The following ZC3HAV1 variants were observed in gnomAD, a reference collection of about 807,000 sequenced individuals.
ZC3HAV1 encodes zinc finger CCCH-type containing, antiviral 1.
A neutral mutation model predicts 86.6 loss-of-function variants in ZC3HAV1; 41 were observed. The observed-to-expected ratio is 0.47, with a 90% CI of 0.37 to 0.61. The LOEUF (loss-of-function observed/expected upper bound fraction) is 0.61, where lower values mean the gene tolerates loss of function less well. Ranked by LOEUF, ZC3HAV1 falls within the 20% of genes least tolerant of loss-of-function variation. ZC3HAV1 has a pLI of 0.00. For synonymous variants in ZC3HAV1, 421 were observed against 432.1 expected (o/e 0.97, Z 0.32); for missense variants, 964 against 1,141.1 (o/e 0.84, Z 2.24).
intron 1 of ZC3HAV1, among the ~76,000 whole-genome samples, chr7:139,104,426 A>C (rs991818165): frequency 1.3e-5 from 2 of 152,208 alleles, no homozygotes; most frequent in African/African-American, 4.8e-5. Flanking sequence ...CTAGTTAAGA[A>C]GTCAAGGCCG....
chr7:139,056,265 C>T (rs1217601950), intron 9 of ZC3HAV1, among the ~76,000 whole-genome samples: 1 of 152,130 alleles, frequency 6.6e-6, no homozygotes, highest in Non-Finnish European at 1.5e-5. Flanking sequence ...ATCCTCCCAC[C>T]TCAACCTCCC....
chr7:139,087,608 T>C (rs1413116577), intron 2 of ZC3HAV1, among the ~76,000 whole-genome samples: 1 of 152,094 alleles, frequency 6.6e-6, no homozygotes, highest in African/African-American at 2.4e-5. Context: ...TCTCCTGAGC[T>C]CAGTGGCCAA....
intron 2 of ZC3HAV1, 139 bp downstream of exon 2, chr7:139,089,485 T>C (rs1247414016): frequency 9.0e-7 from 1 of 1,112,874 alleles, no homozygotes; most frequent in Non-Finnish European, 1.2e-6. Flanking sequence ...ATCTCTTAGT[T>C]CACTCAATAA....
intron 7 of ZC3HAV1, among the ~76,000 whole-genome samples, chr7:139,071,448 C>A (rs763100248): frequency 1.3e-5 from 2 of 152,050 alleles, no homozygotes; most frequent in East Asian, 3.8e-4. Context: ...GTTTGCCAAC[C>A]CTTCCCCTTT....
In ZC3HAV1 at chr7:139,047,795, T is replaced by A; in HGVS notation, c.2508A>T (p.Lys836Asn). 3.1e-6 allele frequency: 5 copies of A among 1,614,074 alleles called. No homozygotes were observed. The highest frequency in any genetic ancestry group is 4.2e-6 in the Non-Finnish European group (5 of 1,180,016). Residue 836 changes from lysine (K) to asparagine (N), a missense_variant, in exon 13 of 13, where the codon AAA becomes AAT. By Grantham distance (94) the Lys-to-Asn change is moderately conservative. Coordinates refer to ENST00000242351, the MANE Select transcript of ZC3HAV1 (RefSeq NM_020119.4). Reference sequence around the variant, plus strand: ...CTTGGGCTACAAACATAACGACGTTTTTGGCATCATACGGGCAATTTTTGT... The same window carrying A: ...CTTGGGCTACAAACATAACGACGTTATTGGCATCATACGGGCAATTTTTGT... ...YSHKNCPYDA[K>N]NVVMFVAQVL...
At chr7:139,049,679 A>C (rs1366870683) in intron 12 of ZC3HAV1, 1 of 153,340 alleles carries the variant, frequency 6.5e-6, no homozygotes, top group African/African-American at 2.4e-5. Flanking sequence ...CGACCAGAGA[A>C]TCTACAGCTC....
At position 139,079,518 on chromosome 7, in the gene ZC3HAV1, T is replaced by C; in HGVS notation, c.1423A>G (p.Thr475Ala). 2 of 1,614,232 alleles carry C rather than the reference T, an allele frequency of 1.2e-6. No individual in the cohort carries two copies. Among genetic ancestry groups the C allele is most frequent in the Non-Finnish European group, 1.7e-6 (2 of 1,180,034 alleles). ...TCAGCATCATCTGCGATTCTGCCAG[T>C]GGCCTGGACATCTCGGGAAGCAGGT... is the stretch of plus-strand genomic sequence containing the variant. The part of the protein sequence containing the change: ...AGPASRDVQA[T>A]GRIADDADPR... The change falls in exon 4 of 13, where the codon ACT becomes GCT. Residue 475 changes from threonine to alanine, a missense_variant. Transcript: ENST00000242351.
chr7:139,080,043 G>T lies in ZC3HAV1; in HGVS notation c.898C>A (p.Leu300Met), dbSNP rs1817080933. 3 of 1,614,080 alleles carry T rather than the reference G, an allele frequency of 1.9e-6. No homozygotes were observed. The highest frequency in any genetic ancestry group is 2.5e-6 in the Non-Finnish European group (3 of 1,180,056). The stretch of plus-strand genomic sequence containing the variant: ...GGCCGAGCGCGATCCTGACTCCCCA[G>T]ATACGTGAACTTGCGGGTGAGATCG... Reference protein sequence around the residue: ...VDDLTRKFTYLGSQDRARPPS... With the variant: ...VDDLTRKFTYMGSQDRARPPS... Residue 300 changes from leucine (L) to methionine (M), a missense_variant, in exon 4 of 13, where the codon CTG (leucine) becomes ATG (methionine). By Grantham distance (15) the Leu-to-Met change is conservative. Coordinates refer to ENST00000242351, the MANE Select transcript of ZC3HAV1 (RefSeq NM_020119.4).
rs202008234 is a variant in ZC3HAV1 at position 139,103,909 on chromosome 7, GCAAA to G, written c.308+5111_308+5114del. ...AAAATACTACATTTTGTATATGGAT[GCAAA>G]CATATACAAGAGGAAATTATAAAAT... On this transcript the variant is annotated intron_variant, in intron 1 of 12. Transcript: ENST00000242351. Among the ~76,000 whole-genome samples the G allele has an allele frequency of 7.2e-3, 1,089 of 152,178 alleles. 17 individuals are homozygous for G. Among genetic ancestry groups the G allele is most frequent in the African/African-American group, 0.025 (1,043 of 41,524 alleles).
At chr7:139,057,370 A>AAG (rs60882211) in intron 9 of ZC3HAV1, among the ~76,000 whole-genome samples, 1 of 151,228 alleles carries the variant, frequency 6.6e-6, no homozygotes. Flanking sequence ...GAAAAAAAAA[A>AAG]TTTAGAGGTG....
At chr7:139,107,160 C>G (rs1563144506) in intron 1 of ZC3HAV1, among the ~76,000 whole-genome samples, 1 of 152,248 alleles carries the variant, frequency 6.6e-6, no homozygotes, top group South Asian at 2.1e-4. Flanking sequence ...CTAGAATGTT[C>G]CTTCCTTTTC....
intron 1 of ZC3HAV1, among the ~76,000 whole-genome samples, chr7:139,101,975 CT>C (rs1817787059): frequency 6.6e-6 from 1 of 150,838 alleles, no homozygotes; most frequent in Non-Finnish European, 1.5e-5. Flanking sequence ...CTAAATCCCC[CT>C]CTGTGAGAAA....
chr7:139,065,660 C>G (rs2130684771), intron 7 of ZC3HAV1, among the ~76,000 whole-genome samples: 1 of 152,256 alleles, frequency 6.6e-6, no homozygotes, highest in African/African-American at 2.4e-5. Context: ...AATCCTAGCA[C>G]TTTGGGAGGC....
At chr7:139,091,564 A>G (rs1817435516) in intron 1 of ZC3HAV1, among the ~76,000 whole-genome samples, 1 of 152,164 alleles carries the variant, frequency 6.6e-6, no homozygotes, top group South Asian at 2.1e-4. Context: ...GAGCCTCTTT[A>G]TCTCACAAGG....
chr7:139,053,396 A>T (rs1403291954), intron 12 of ZC3HAV1, 55 bp downstream of exon 12: 13 of 1,495,970 alleles, frequency 8.7e-6, no homozygotes, highest in Non-Finnish European at 1.1e-5. Context: ...ATAGAAGCAC[A>T]TATAAAGCCC....
Position 139,073,965 on chromosome 7 carries a change from C to A in ZC3HAV1, c.1763G>T (p.Arg588Leu). 1 of 1,613,800 alleles carries A rather than the reference C, an allele frequency of 6.2e-7. No homozygotes were observed. Among genetic ancestry groups the A allele is most frequent in the Non-Finnish European group, 8.5e-7 (1 of 1,179,836 alleles). Residue 588 changes from arginine to leucine, a missense_variant, in exon 7 of 13, where the codon CGC (arginine) becomes CTC (leucine). Physicochemically the swap from Arg to Leu is moderately radical, Grantham distance 102. Transcript: ENST00000242351. ...GGTGACAGAAGAAGGAGTGGAGAGG[C>A]GTCGGATGGGAAAGGAATCACAACT... Reference protein sequence around the residue: ...VMSCDSFPIRRLSTPSSVTKP... With the variant: ...VMSCDSFPIRLLSTPSSVTKP...
At chr7:139,064,761 G>A in intron 8 of ZC3HAV1, 118 bp downstream of exon 8, 1 of 1,527,294 alleles carries the variant, frequency 6.5e-7, no homozygotes, top group Non-Finnish European at 8.9e-7. Context: ...CCACCGCCTT[G>A]CTAAATCTTG....
intron 1 of ZC3HAV1, among the ~76,000 whole-genome samples, chr7:139,091,111 G>GC (rs1290423045): frequency 6.6e-6 from 1 of 152,118 alleles, no homozygotes; most frequent in Non-Finnish European, 1.5e-5. Flanking sequence ...GTCCCCGCCA[G>GC]CCCCCACCCA....
chr7:139,081,802 G>A (rs1486315575), intron 3 of ZC3HAV1, among the ~76,000 whole-genome samples: 5 of 152,190 alleles, frequency 3.3e-5, no homozygotes, highest in Non-Finnish European at 4.4e-5. Context: ...AAAGTCCCTT[G>A]TAAATGATAA....
Sources: gnomAD v4.1 joint callset for allele counts (sites outside exome capture counted in the v4.1 genomes callset) on GRCh38, gnomAD v4.1.1 for gene constraint, MANE v1.5 for transcripts, NCBI Gene and HGNC (gene_info 2026-07-23, HGNC 2026-07-21) for gene names.